COBL: variants seen among roughly 807,000 people sequenced by gnomAD.
COBL encodes protein cordon-bleu.
Under a neutral mutation model 98.8 loss-of-function variants are expected in COBL, and 51 were observed. The ratio of observed to expected loss-of-function variants is 0.52; its 90% CI spans 0.41 to 0.65. The LOEUF is 0.65. Among genes scored for constraint, COBL ranks in the 30% least tolerant of loss-of-function variants. The pLI, the probability that COBL is intolerant of heterozygous loss-of-function variation, is 0.00. For missense variants in COBL, 1,617 were observed against 1,617.5 expected (o/e 1.00, Z 0.01); for synonymous variants, 634 against 651.7 (o/e 0.97, Z 0.41).
At chr7:51,111,805 T>C (rs894868965) in intron 6 of COBL, among the ~76,000 whole-genome samples, 6 of 152,194 alleles carry the variant, frequency 3.9e-5, no homozygotes, top group Admixed American at 1.3e-4. Flanking sequence ...CCAGGGCATG[T>C]GATGGGCCCC....
chr7:51,119,151 T>C (rs1412089729), intron 6 of COBL, among the ~76,000 whole-genome samples: 1 of 152,158 alleles, frequency 6.6e-6, no homozygotes, highest in Non-Finnish European at 1.5e-5. Context: ...ATCTGACAAA[T>C]ACAGAGATTC....
Position 51,229,368 on chromosome 7 carries a change from A to C in COBL, c.42-9424T>G, listed in dbSNP as rs1234429383. Among the ~76,000 whole-genome samples the C allele has an allele frequency of 2.6e-5, 4 of 152,246 alleles. No individual in the cohort carries two copies. In the East Asian group the frequency reaches 7.7e-4, roughly 29 times the overall value. On this transcript the variant is annotated intron_variant, in intron 1 of 12. Coordinates refer to ENST00000265136, the MANE Select transcript of COBL (RefSeq NM_015198.5). ...AATTGTCTTGGTTCACTTGTTCACA[A>C]ACCCTCCAAGCCTGGAAAATGAGAA...
At chr7:51,045,633 C>T (rs1471422914) in intron 7 of COBL, among the ~76,000 whole-genome samples, 2 of 152,316 alleles carry the variant, frequency 1.3e-5, no homozygotes, top group East Asian at 3.9e-4. Context: ...CTGTCTGCTG[C>T]CAGGCCCCTT....
Position 51,170,763 on chromosome 7 carries a change from G to A in COBL, c.783+13339C>T, listed in dbSNP as rs28607854. On this transcript the variant is annotated intron_variant, in intron 5 of 12. Coordinates refer to ENST00000265136, the MANE Select transcript of COBL (RefSeq NM_015198.5). ...CAGAAGTAGAGAGAAGCTGGAGAGC[G>A]GAGTAGAAGGATGGGGAGAGATTGG... Among the ~76,000 whole-genome samples the A allele has an allele frequency of 9.7e-3, 1,475 of 151,968 alleles. 22 individuals are homozygous for A. Among genetic ancestry groups the A allele is most frequent in the African/African-American group, 0.034 (1,390 of 41,468 alleles).
intron 8 of COBL, among the ~76,000 whole-genome samples, chr7:51,038,267 C>G (rs1208250275): frequency 6.6e-6 from 1 of 152,292 alleles, no homozygotes; most frequent in East Asian, 1.9e-4. Flanking sequence ...CCAATGCTGC[C>G]ATGTATGAAG....
At chr7:51,238,158 CA>C (rs1795451668) in intron 1 of COBL, among the ~76,000 whole-genome samples, 1 of 152,244 alleles carries the variant, frequency 6.6e-6, no homozygotes, top group Non-Finnish European at 1.5e-5. Context: ...TGGCCGCCTC[CA>C]GGCCTTCCAC....
chr7:51,182,038 TTGGTTTTTC>T, intron 5 of COBL, among the ~76,000 whole-genome samples: 1 of 152,308 alleles, frequency 6.6e-6, no homozygotes, highest in African/African-American at 2.4e-5. Flanking sequence ...GATTTTTTAC[TTGGTTTTTC>T]TGGCCATTTC....
At chr7:51,299,542 AGTTGGC>A (rs1018312802) in intron 1 of COBL, among the ~76,000 whole-genome samples, 6 of 152,172 alleles carry the variant, frequency 3.9e-5, no homozygotes, top group African/African-American at 1.2e-4. Context: ...CCTCAAACCC[AGTTGGC>A]GCTCTCTAAG....
In COBL at chr7:51,025,453, G is replaced by A. The variant is rs1020625505; in HGVS notation, c.3505-81C>T. 13 of 1,440,972 alleles carry A rather than the reference G, an allele frequency of 9.0e-6. 1 individual carries two copies. Among genetic ancestry groups the A allele is most frequent in the African/African-American group, 7.0e-5 (5 of 71,714 alleles). The allele number at this position is 1,440,972 out of a possible 1,614,324, so 89.3% of individuals were successfully genotyped here. A position where few individuals can be genotyped will look rare whatever the true frequency, so the allele number is the denominator to read the frequency against. On this transcript the variant is annotated intron_variant, in intron 11 of 12. Coordinates refer to ENST00000265136, the MANE Select transcript of COBL (RefSeq NM_015198.5). ...CTGTGAAATCCCAACGCCCAAGGTAGTGGCATGAGGAGATGAGGATTGGGG... is the reference window on the plus strand; with the variant it reads ...CTGTGAAATCCCAACGCCCAAGGTAATGGCATGAGGAGATGAGGATTGGGG...
intron 6 of COBL, among the ~76,000 whole-genome samples, chr7:51,110,023 T>A (rs543098958): frequency 6.6e-6 from 1 of 152,336 alleles, no homozygotes; most frequent in South Asian, 2.1e-4. Context: ...ATGGGGTACA[T>A]GTGGTATTTT....
intron 1 of COBL, among the ~76,000 whole-genome samples, chr7:51,258,145 ATAAAT>A (rs1163067193): frequency 6.6e-6 from 1 of 152,262 alleles, no homozygotes; most frequent in Non-Finnish European, 1.5e-5. Flanking sequence ...ACTACCCTAA[ATAAAT>A]TAAAAGAACA....
chr7:51,146,040 A>G (rs1583954523), intron 5 of COBL, among the ~76,000 whole-genome samples: 1 of 152,176 alleles, frequency 6.6e-6, no homozygotes, highest in East Asian at 1.9e-4. Flanking sequence ...CTTAAGGAAC[A>G]GTGCCTTAGA....
intron 8 of COBL, among the ~76,000 whole-genome samples, chr7:51,039,762 G>T (rs1788988680): frequency 1.3e-5 from 2 of 152,184 alleles, no homozygotes; most frequent in African/African-American, 4.8e-5. Flanking sequence ...GTGTAAGTCT[G>T]GGAACAGGCC....
chr7:51,189,643 A>C (rs1789903215), intron 4 of COBL, among the ~76,000 whole-genome samples: 1 of 152,070 alleles, frequency 6.6e-6, no homozygotes, highest in Non-Finnish European at 1.5e-5. Flanking sequence ...TCAAAAAATA[A>C]AAAAAAGAGA....
At chr7:51,110,176 T>C (rs774004715) in intron 6 of COBL, among the ~76,000 whole-genome samples, 2 of 152,210 alleles carry the variant, frequency 1.3e-5, no homozygotes, top group African/African-American at 2.4e-5. Context: ...ACAATAGTCA[T>C]CCGACTATGC....
intron 1 of COBL, among the ~76,000 whole-genome samples, chr7:51,290,731 C>G (rs1402243141): frequency 1.3e-5 from 2 of 152,080 alleles, no homozygotes; most frequent in African/African-American, 4.8e-5. Context: ...ACCCTGAATA[C>G]TAATATGCTA....
chr7:51,172,258 A>G (rs1387789567), intron 5 of COBL, among the ~76,000 whole-genome samples: 1 of 152,274 alleles, frequency 6.6e-6, no homozygotes, highest in African/African-American at 2.4e-5. Context: ...AGAAAAGTAG[A>G]AACTAAAATA....
chr7:51,278,538 G>A (rs367766109), intron 1 of COBL, among the ~76,000 whole-genome samples: 2 of 151,782 alleles, frequency 1.3e-5, no homozygotes, highest in Non-Finnish European at 2.9e-5. Context: ...GTGCCACCAC[G>A]CCCAGCTAAT....
intron 5 of COBL, among the ~76,000 whole-genome samples, chr7:51,173,443 A>G (rs1788073657): frequency 6.6e-6 from 1 of 152,142 alleles, no homozygotes; most frequent in Admixed American, 6.5e-5. Context: ...TCAGCCTCCA[A>G]AAGTGCTAGG....
Sources: gnomAD v4.1 joint callset for allele counts (sites outside exome capture counted in the v4.1 genomes callset) on GRCh38, gnomAD v4.1.1 for gene constraint, MANE v1.5 for transcripts, NCBI Gene and HGNC (gene_info 2026-07-23, HGNC 2026-07-21) for gene names.